Variants in SLC7A9 observed in about 807,000 individuals in gnomAD.
SLC7A9 encodes the protein solute carrier family 7 member 9.
A neutral mutation model predicts 54.1 loss-of-function variants in SLC7A9; 38 were observed. The ratio of observed to expected loss-of-function variants is 0.70; its 90% CI spans 0.54 to 0.92. SLC7A9 has a LOEUF of 0.92. Ranked by LOEUF, SLC7A9 falls within the 40% of genes least tolerant of loss-of-function variation. The pLI, the probability that SLC7A9 is intolerant of heterozygous loss-of-function variation, is 0.00. For synonymous variants in SLC7A9, 264 were observed against 258.9 expected (o/e 1.02, Z -0.19); for missense variants, 537 against 636.1 (o/e 0.84, Z 1.68).
intron 12 of SLC7A9, among the ~76,000 whole-genome samples, chr19:32,832,181 C>T (rs908654351): frequency 1.4e-4 from 22 of 152,024 alleles, no homozygotes; most frequent in Non-Finnish European, 2.9e-4. Flanking sequence ...CCCAACTACT[C>T]AGGAGGCTGA....
At position 32,830,612 on chromosome 19, in the gene SLC7A9, G is replaced by A. The variant is rs145079057; in HGVS notation, c.*8C>T. 4.5e-4 allele frequency: 718 copies of A among 1,609,050 alleles called. 1 individual carries two copies. In the African/African-American group the frequency reaches 6.5e-3, roughly 15 times the overall value. On this transcript the variant is annotated 3_prime_UTR_variant, in exon 13 of 13. Coordinates refer to ENST00000023064, the MANE Select transcript of SLC7A9 (RefSeq NM_014270.5). The stretch of plus-strand genomic sequence containing the variant: ...TTCAGCTGACTTGGCTACAAGAGAC[G>A]GAGCTTGTTACTCAGGGTCTTCCTC...
chr19:32,834,068 G>T (rs1262505554), intron 11 of SLC7A9, among the ~76,000 whole-genome samples: 1 of 152,276 alleles, frequency 6.6e-6, no homozygotes, highest in Non-Finnish European at 1.5e-5. Context: ...ACTCCAGCCT[G>T]TGGGTTTTTC....
At chr19:32,840,179 CT>C (rs1276711598) in intron 11 of SLC7A9, among the ~76,000 whole-genome samples, 1 of 151,970 alleles carries the variant, frequency 6.6e-6, no homozygotes, top group African/African-American at 2.4e-5. Flanking sequence ...TCTTTCTTTT[CT>C]TTTTTTCTTT....
chr19:32,856,179 TTC>T (rs1433397171), intron 9 of SLC7A9, among the ~76,000 whole-genome samples: 6 of 151,104 alleles, frequency 4.0e-5, no homozygotes, highest in African/African-American at 1.5e-4. Context: ...TAGTGTATAT[TTC>T]AAAATAGCTA....
intron 11 of SLC7A9, 111 bp downstream of exon 11, chr19:32,842,057 A>G (rs1568515434): frequency 1.9e-6 from 2 of 1,067,366 alleles, no homozygotes; most frequent in Non-Finnish European, 2.9e-6. Context: ...GATATTTTAA[A>G]AGAGTCAAGT....
At chr19:32,845,173 AAAAT>A (rs61451370) in intron 9 of SLC7A9, among the ~76,000 whole-genome samples, 69,834 of 151,266 alleles carry the variant, frequency 0.46, 17,178 homozygotes, top group East Asian at 0.72. Flanking sequence ...CAAAAAAATA[AAAAT>A]AAATAAGAGG....
chr19:32,855,176 C>T (rs879168567), intron 9 of SLC7A9, among the ~76,000 whole-genome samples: 5 of 152,138 alleles, frequency 3.3e-5, no homozygotes, highest in Admixed American at 2.0e-4. Context: ...GAACATTATG[C>T]TAAGTGAAAT....
intron 9 of SLC7A9, among the ~76,000 whole-genome samples, chr19:32,854,259 C>G (rs189698728): frequency 4.6e-5 from 7 of 152,070 alleles, no homozygotes; most frequent in Non-Finnish European, 1.0e-4. Flanking sequence ...AAGCAGTCCT[C>G]CCCCTCGGCC....
rs1443881031 is a variant in SLC7A9, at chr19:32,833,236, G to A, written c.1312C>T (p.Leu438Phe). The A allele has an allele frequency of 3.1e-6, 5 of 1,614,050 alleles. No individual in the cohort carries two copies. The highest frequency in any genetic ancestry group is 1.1e-5 in the South Asian group (1 of 91,082). ...PIISKPTWEY[L>F]YCVLFILSGL... ...CTTAATATAAACAGCACACAGTAGA[G>A]GTACTCCCAGGTGGGCTTGCTGATG... The change falls in exon 12 of 13, where the codon CTC becomes TTC. Residue 438 changes from leucine to phenylalanine, a missense_variant. By Grantham distance (22) the Leu-to-Phe change is conservative. Coordinates refer to ENST00000023064, the MANE Select transcript of SLC7A9 (RefSeq NM_014270.5).
intron 9 of SLC7A9, among the ~76,000 whole-genome samples, chr19:32,849,102 A>C (rs1333521957): frequency 1.4e-4 from 21 of 151,680 alleles, no homozygotes; most frequent in South Asian, 8.3e-4. Flanking sequence ...AAAATTGACA[A>C]CCTAACATCA....
At chr19:32,855,457 T>G (rs1336213426) in intron 9 of SLC7A9, among the ~76,000 whole-genome samples, 8 of 152,086 alleles carry the variant, frequency 5.3e-5, no homozygotes, top group Non-Finnish European at 8.8e-5. Flanking sequence ...CCCAGCACTT[T>G]GGGAGGCCAA....
chr19:32,839,369 A>C (rs959551595), intron 11 of SLC7A9, among the ~76,000 whole-genome samples: 1 of 152,090 alleles, frequency 6.6e-6, no homozygotes, highest in Non-Finnish European at 1.5e-5. Context: ...CCTGACCAAC[A>C]TGGTGAAACC....
chr19:32,840,675 TGTC>T (rs1436761046), intron 11 of SLC7A9, among the ~76,000 whole-genome samples: 1 of 152,172 alleles, frequency 6.6e-6, no homozygotes, highest in Non-Finnish European at 1.5e-5. Flanking sequence ...CTCTTGCTGT[TGTC>T]GTCAGTGATC....
rs1248141788 is a variant in SLC7A9, at chr19:32,860,639, T to C, written c.716A>G (p.Asn239Ser). Reference sequence around the variant, plus strand: ...GTTTCTAAGTTCTTCTGTGATGTAATTGAGTTGATTCCTGGAAAAAGGAAA... The same window carrying C: ...GTTTCTAAGTTCTTCTGTGATGTAACTGAGTTGATTCCTGGAAAAAGGAAA... ...LWAYDGWNQL[N>S]YITEELRNPY... Residue 239 changes from asparagine (N) to serine (S), a missense_variant, in exon 7 of 13, where the codon AAT becomes AGT. By Grantham distance (46) the Asn-to-Ser change is conservative. Transcript: ENST00000023064. The C allele has an allele frequency of 1.9e-6, 3 of 1,614,186 alleles. No homozygotes were observed. The highest frequency in any genetic ancestry group is 2.2e-5 in the South Asian group (2 of 91,084).
intron 2 of SLC7A9, among the ~76,000 whole-genome samples, chr19:32,865,029 G>C (rs1412380573): frequency 6.6e-6 from 1 of 152,228 alleles, no homozygotes; most frequent in Non-Finnish European, 1.5e-5. Context: ...AGAGGAGGAC[G>C]CTGAGGCACA....
chr19:32,848,940 T>TA (rs1227664575), intron 9 of SLC7A9, among the ~76,000 whole-genome samples: 1 of 151,540 alleles, frequency 6.6e-6, no homozygotes, highest in Non-Finnish European at 1.5e-5. Flanking sequence ...GACTACTGGG[T>TA]ACATAACTAA....
At chr19:32,845,635 A>G (rs1283174547) in intron 9 of SLC7A9, among the ~76,000 whole-genome samples, 1 of 152,182 alleles carries the variant, frequency 6.6e-6, no homozygotes, top group East Asian at 1.9e-4. Flanking sequence ...ATCTAGATAT[A>G]ATTATGGAAT....
chr19:32,846,542 A>G (rs1399846089), intron 9 of SLC7A9, among the ~76,000 whole-genome samples: 1 of 152,198 alleles, frequency 6.6e-6, no homozygotes. Context: ...GGTGGAGCCC[A>G]CCACAGCTCA....
rs567467973 is a variant in SLC7A9 at position 32,841,702 on chromosome 19, T to A, written c.1224+466A>T. 2.0e-5 allele frequency among the ~76,000 whole-genome samples: 3 copies of A among 152,006 alleles called. No homozygotes were observed. The South Asian group carries it at 6.2e-4, about 32-fold the overall frequency. On this transcript the variant is annotated intron_variant, in intron 11 of 12. Transcript: ENST00000023064. ...CAGGCAGATCACTTGAGGTCAGGAG[T>A]TAGAGACCAGCCCGGCCAACATGGT...
Sources: allele counts gnomAD v4.1 joint callset (sites outside exome capture counted in the v4.1 genomes callset), GRCh38; gene constraint gnomAD v4.1.1; transcripts MANE v1.5; gene names NCBI Gene and HGNC (gene_info 2026-07-23, HGNC 2026-07-21).